Variants in HERC3 observed in about 807,000 individuals in gnomAD.
HERC3 encodes probable E3 ubiquitin-protein ligase HERC3.
Under a neutral mutation model 129.9 loss-of-function variants are expected in HERC3, and 58 were observed. The observed-to-expected ratio is 0.45, with a 90% CI of 0.36 to 0.56. The LOEUF (loss-of-function observed/expected upper bound fraction) is 0.56. HERC3 is among the 20% of genes least tolerant of loss of function. HERC3 has a pLI of 0.00. For missense variants in HERC3, 835 were observed against 1,244.2 expected, an observed-to-expected ratio of 0.67 and a Z score of 4.95; for synonymous variants, 430 against 451.0, an observed-to-expected ratio of 0.95 and a Z score of 0.59.
chr4:88,652,857 C>G lies in HERC3; in HGVS notation c.464-12C>G. Reference sequence around the variant, plus strand: ...TCATTTTATGGTAATACCAGTTATCCTGTTATTTCAGATGGCCAGTTCTTC... The same window carrying G: ...TCATTTTATGGTAATACCAGTTATCGTGTTATTTCAGATGGCCAGTTCTTC... On this transcript the variant is annotated splice_polypyrimidine_tract_variant and intron_variant, in intron 5 of 25. Transcript: ENST00000402738. 1 of 1,599,312 alleles carries G rather than the reference C, an allele frequency of 6.3e-7. No homozygotes were observed. The highest frequency in any genetic ancestry group is 2.1e-4 in the Middle Eastern group (1 of 4,708).
chr4:88,593,140 G>C (rs2149163500), intron 1 of HERC3: 1 of 152,248 alleles, frequency 6.6e-6, no homozygotes, highest in South Asian at 2.1e-4. Context: ...CGATGACAGC[G>C]CCGGCAGGGC....
At chr4:88,629,784 T>G (rs1726535917) in intron 3 of HERC3, among the ~76,000 whole-genome samples, 1 of 152,216 alleles carries the variant, frequency 6.6e-6, no homozygotes, top group Non-Finnish European at 1.5e-5. Context: ...AAAGATAATT[T>G]TTATATTTAT....
chr4:88,706,855 C>T lies in HERC3; in HGVS notation c.3048C>T (p.His1016=). 1 of 1,614,104 alleles carries T rather than the reference C, an allele frequency of 6.2e-7. No individual in the cohort carries two copies. The highest frequency in any genetic ancestry group is 8.5e-7 in the Non-Finnish European group (1 of 1,179,980). The change falls in exon 26 of 26, where the codon CAC becomes CAT. Residue 1016 remains histidine, a synonymous_variant. Coordinates refer to ENST00000402738, the MANE Select transcript of HERC3 (RefSeq NM_014606.3). The part of the protein sequence containing the change: ...ASGEEYLPVA[H]TCYNLLDLPK... ...GGGAGGAGTACTTGCCGGTGGCCCA[C>T]ACTTGCTACAACCTTCTTGACCTCC...
chr4:88,638,779 TAAG>T (rs1056477511), intron 3 of HERC3, among the ~76,000 whole-genome samples: 1 of 152,178 alleles, frequency 6.6e-6, no homozygotes, highest in Non-Finnish European at 1.5e-5. Context: ...GGTACTCAAA[TAAG>T]AAGAGAGGAA....
chr4:88,545,552 C>T, the HERC3 span, among the ~76,000 whole-genome samples: 3 of 150,934 alleles, frequency 2.0e-5, no homozygotes, highest in Admixed American at 6.6e-5. Context: ...ACCACTTCAG[C>T]ATTTCGAGAA....
intron 3 of HERC3, among the ~76,000 whole-genome samples, chr4:88,617,763 C>T (rs879799920): frequency 8.6e-5 from 13 of 151,802 alleles, no homozygotes; most frequent in South Asian, 2.1e-4. Flanking sequence ...CCCAGCTACT[C>T]GGGAGGCTGA....
In HERC3 at chr4:88,680,236, GGTAA is replaced by G; in HGVS notation, c.2340+7_2340+10del. 6.3e-7 allele frequency: 1 copy of G among 1,594,290 alleles called. No homozygotes were observed. Among genetic ancestry groups the G allele is most frequent in the Non-Finnish European group, 8.5e-7 (1 of 1,171,460 alleles). On this transcript the variant is annotated splice_donor_variant and splice_donor_region_variant and intron_variant, in intron 20 of 25. Transcript: ENST00000402738. LOFTEE classifies it high-confidence loss of function. ...CAAATCTCTTGTGGTTTTCAGACACGGTAAGTAAGTGGTGTCACAATTAAACAGA... is the reference window on the plus strand; with the variant it reads ...CAAATCTCTTGTGGTTTTCAGACACGGTAAGTGGTGTCACAATTAAACAGA...
chr4:88,573,172 T>A, the HERC3 span, among the ~76,000 whole-genome samples: 2 of 152,262 alleles, frequency 1.3e-5, no homozygotes, highest in African/African-American at 4.8e-5. Context: ...GGTTTTAACA[T>A]CTGAATGTAT....
chr4:88,664,250 C>T, intron 12 of HERC3, 38 bp downstream of exon 12: 1 of 1,503,992 alleles, frequency 6.6e-7, no homozygotes, highest in Non-Finnish European at 9.2e-7. Context: ...CTCACGTGTA[C>T]CTGTAGTCTC....
At chr4:88,554,424 C>T in the HERC3 span, among the ~76,000 whole-genome samples, 56 of 151,250 alleles carry the variant, frequency 3.7e-4, no homozygotes, top group African/African-American at 1.2e-3. Flanking sequence ...TGGTAGCAGG[C>T]ACATAATTTT....
intron 11 of HERC3, among the ~76,000 whole-genome samples, chr4:88,663,838 T>A (rs2972019): frequency 0.052 from 7,924 of 152,290 alleles, 535 homozygotes; most frequent in East Asian, 0.27. Context: ...TGTTTCTCTT[T>A]GGAGTTTAGA....
chr4:88,671,615 C>G (rs982329170), intron 16 of HERC3, among the ~76,000 whole-genome samples: 1 of 152,058 alleles, frequency 6.6e-6, no homozygotes, highest in Non-Finnish European at 1.5e-5. Context: ...CCTCTGCTTC[C>G]CAGGCTCAAG....
chr4:88,608,045 T>C (rs369773652), intron 3 of HERC3, among the ~76,000 whole-genome samples: 2 of 152,374 alleles, frequency 1.3e-5, no homozygotes, highest in East Asian at 1.9e-4. Flanking sequence ...GATTTTATCA[T>C]TTTATTTGGC....
At chr4:88,666,516 C>G (rs952724994) in intron 12 of HERC3, among the ~76,000 whole-genome samples, 1 of 151,868 alleles carries the variant, frequency 6.6e-6, no homozygotes, top group African/African-American at 2.4e-5. Flanking sequence ...CATAGGGTTC[C>G]GATACATATA....
intron 21 of HERC3, 142 bp downstream of exon 21, chr4:88,681,467 A>G (rs1732767879): frequency 1.4e-6 from 1 of 693,178 alleles, no homozygotes. Context: ...TTTGTCTAAG[A>G]TGTAGCTGTG....
Position 88,690,194 on chromosome 4 carries a change from A to T in HERC3, c.2657+2895A>T. On this transcript the variant is annotated intron_variant, in intron 23 of 25. Transcript: ENST00000402738. ...CTAAAAGCAGTTTCCTTTATATAAC[A>T]TTGGTACTTTTGTTAACAGTAAATA... 3 of 982,458 alleles carry T rather than the reference A, an allele frequency of 3.1e-6. No homozygotes were observed. The South Asian group carries it at 1.4e-4, about 46-fold the overall frequency. The allele number at this position is 982,458 out of a possible 1,614,324, so 60.9% of individuals were successfully genotyped here. A position where few individuals can be genotyped will look rare whatever the true frequency, so the allele number is the denominator to read the frequency against.
chr4:88,572,586 G>A, the HERC3 span, among the ~76,000 whole-genome samples: 7 of 151,974 alleles, frequency 4.6e-5, no homozygotes, highest in East Asian at 7.7e-4. Context: ...CAAGGTGGGT[G>A]TATCACGAGG....
the HERC3 span, among the ~76,000 whole-genome samples, chr4:88,585,319 G>A: frequency 1.3e-5 from 2 of 152,206 alleles, no homozygotes; most frequent in African/African-American, 4.8e-5. Flanking sequence ...CAAAGTACAT[G>A]TCCATCTTGT....
chr4:88,667,092 A>G (rs1731128175), intron 12 of HERC3, among the ~76,000 whole-genome samples: 1 of 152,232 alleles, frequency 6.6e-6, no homozygotes, highest in Non-Finnish European at 1.5e-5. Flanking sequence ...CCTTAACTTG[A>G]TATGACAGTC....
Sources: gnomAD v4.1 joint callset for allele counts (sites outside exome capture counted in the v4.1 genomes callset) on GRCh38, gnomAD v4.1.1 for gene constraint, MANE v1.5 for transcripts, NCBI Gene and HGNC (gene_info 2026-07-23, HGNC 2026-07-21) for gene names.